KIDINS220: variants seen among roughly 807,000 people sequenced by gnomAD.
KIDINS220 encodes the protein kinase D-interacting substrate of 220 kDa.
Under a neutral mutation model 157.6 loss-of-function variants are expected in KIDINS220, and 63 were observed. The ratio of observed to expected loss-of-function variants is 0.40; its 90% CI spans 0.33 to 0.49. KIDINS220 has a LOEUF of 0.49. Ranked by LOEUF, KIDINS220 falls within the 20% of genes least tolerant of loss-of-function variation. The pLI is 0.66. For synonymous variants in KIDINS220, 732 were observed against 783.6 expected, an observed-to-expected ratio of 0.93 and a Z score of 1.10; for missense variants, 1,772 against 2,171.2, an observed-to-expected ratio of 0.82 and a Z score of 3.65.
chr2:8,810,435 T>C (rs944989938), intron 6 of KIDINS220, among the ~76,000 whole-genome samples: 1 of 152,170 alleles, frequency 6.6e-6, no homozygotes, highest in African/African-American at 2.4e-5. Context: ...CCAAGCTATA[T>C]GGAAACATTT....
intron 22 of KIDINS220, among the ~76,000 whole-genome samples, chr2:8,754,299 C>G (rs1429422217): frequency 2.6e-5 from 4 of 152,208 alleles, no homozygotes; most frequent in Non-Finnish European, 5.9e-5. Context: ...CTATTCTAAC[C>G]TTCTGAGCTC....
At position 8,778,932 on chromosome 2, in the gene KIDINS220, C is replaced by T. The variant is rs1162377291; in HGVS notation, c.2578G>A (p.Ala860Thr). 5 of 1,614,148 alleles carry T rather than the reference C, an allele frequency of 3.1e-6. No individual in the cohort carries two copies. Among genetic ancestry groups the T allele is most frequent in the Non-Finnish European group, 4.2e-6 (5 of 1,180,008 alleles). Reference sequence around the variant, plus strand: ...GAGCATGGAACGTCTCCATTTGTTGCTGAAGTTACGAGAAATTTTCTTGCA... The same window carrying T: ...GAGCATGGAACGTCTCCATTTGTTGTTGAAGTTACGAGAAATTTTCTTGCA... ...SNARKFLVTSATNGDVPCSDT... is the reference protein window; with the variant it reads ...SNARKFLVTSTTNGDVPCSDT... The change falls in exon 19 of 30, where the codon GCA (alanine) becomes ACA (threonine). Residue 860 changes from alanine (A) to threonine (T), a missense_variant. Physicochemically the swap from Ala to Thr is moderately conservative, Grantham distance 58. Around this residue, in one of 3 missense-constraint regions of KIDINS220, gnomAD observed 725 missense variants for 1,017.1 expected, o/e 0.71. Transcript: ENST00000256707.
Position 8,793,691 on chromosome 2 carries a change from G to A in KIDINS220, c.1276+119C>T, listed in dbSNP as rs1385318563. ...TGGGGTCAAGCAATCCTCCCACCTCGGCCTCCTCAAGTGCTGGGATTACAG... is the reference window on the plus strand; with the variant it reads ...TGGGGTCAAGCAATCCTCCCACCTCAGCCTCCTCAAGTGCTGGGATTACAG... On this transcript the variant is annotated intron_variant, in intron 12 of 29. Transcript: ENST00000256707. 1.9e-5 allele frequency: 16 copies of A among 849,138 alleles called. No homozygotes were observed. In the Admixed American group the frequency reaches 2.2e-4, roughly 12 times the overall value. 52.6% of individuals were successfully genotyped at this position (849,138 alleles called of 1,614,324 possible). A position where few individuals can be genotyped will look rare whatever the true frequency, so the allele number is the denominator to read the frequency against.
Position 8,744,380 on chromosome 2 carries a change from AAAAAAAAAATATATATATATAAT to A in KIDINS220, c.3585+2742_3585+2764del, listed in dbSNP as rs1223813590. Among the ~76,000 whole-genome samples, 40 of 31,296 alleles carry A rather than the reference AAAAAAAAAATATATATATATAAT, an allele frequency of 1.3e-3. 2 individuals carry two copies. Among genetic ancestry groups the A allele is most frequent in the African/African-American group, 4.6e-3 (27 of 5,924 alleles). The allele number at this position is 31,296 out of a possible 152,430, so 20.5% of individuals were successfully genotyped here. On this transcript the variant is annotated intron_variant, in intron 26 of 29. Coordinates refer to ENST00000256707, the MANE Select transcript of KIDINS220 (RefSeq NM_020738.4). ...CCTCATGGCAAAAAAAAAAAAAAAA[AAAAAAAAAATATATATATATAAT>A]ATATATATATATATATATATATATA...
At chr2:8,781,880 G>A (rs13404432) in intron 17 of KIDINS220, among the ~76,000 whole-genome samples, 1 of 152,010 alleles carries the variant, frequency 6.6e-6, no homozygotes, top group South Asian at 2.1e-4. Flanking sequence ...CCAGCACTTT[G>A]GGAGGCCAAG....
In KIDINS220 at chr2:8,800,487, A is replaced by G. The variant is rs565567875; in HGVS notation, c.813T>C (p.Thr271=). Residue 271 remains threonine (T), a synonymous_variant, in exon 9 of 30, where the codon ACT becomes ACC. Coordinates refer to ENST00000256707, the MANE Select transcript of KIDINS220 (RefSeq NM_020738.4). The part of the protein sequence containing the change: ...YVNIPDRSGD[T]VLIGAVRGGH... The stretch of plus-strand genomic sequence containing the variant: ...CACCTCTGACAGCGCCAATCAACAC[A>G]GTATCCCCACTCTAAGAAGACAGAA... 2.8e-5 allele frequency: 45 copies of G among 1,608,688 alleles called. No homozygotes were observed. Among genetic ancestry groups the G allele is most frequent in the Non-Finnish European group, 3.7e-5 (44 of 1,177,792 alleles).
chr2:8,765,179 G>A (rs1669309328), intron 22 of KIDINS220, among the ~76,000 whole-genome samples: 1 of 152,210 alleles, frequency 6.6e-6, no homozygotes, highest in Non-Finnish European at 1.5e-5. Flanking sequence ...AACTCCAGCA[G>A]AAACCTGGTG....
chr2:8,728,505 T>TA (rs1294838540), downstream of KIDINS220, among the ~76,000 whole-genome samples: 1 of 152,242 alleles, frequency 6.6e-6, no homozygotes, highest in Non-Finnish European at 1.5e-5. Flanking sequence ...CACACACACA[T>TA]AGACGCACAG....
chr2:8,817,807 A>G, intron 3 of KIDINS220, 91 bp from the exon 4 acceptor site: 1 of 821,436 alleles, frequency 1.2e-6, no homozygotes, highest in Non-Finnish European at 1.9e-6. Context: ...ATACCAAATG[A>G]TCATACCAAG....
intron 21 of KIDINS220, among the ~76,000 whole-genome samples, chr2:8,775,562 C>T (rs923171899): frequency 1.3e-5 from 2 of 152,056 alleles, no homozygotes; most frequent in Admixed American, 1.3e-4. Context: ...ACTGGCCTGG[C>T]CACTGAATTT....
chr2:8,811,338 C>T (rs1558471248), intron 6 of KIDINS220, among the ~76,000 whole-genome samples: 1 of 149,216 alleles, frequency 6.7e-6, no homozygotes, highest in East Asian at 2.0e-4. Flanking sequence ...ATGAAACTTA[C>T]ACTCTAGTGG....
Position 8,747,926 on chromosome 2 carries a change from T to C in KIDINS220, c.3489A>G (p.Ser1163=). The C allele has an allele frequency of 6.2e-7, 1 of 1,606,714 alleles. No individual in the cohort carries two copies. Among genetic ancestry groups the C allele is most frequent in the African/African-American group, 1.3e-5 (1 of 74,532 alleles). Residue 1163 remains serine (S), a synonymous_variant, in exon 25 of 30, where the codon TCA becomes TCG. Transcript: ENST00000256707. ...GATCTCTGGGCAAACTCGTTTTTAC[T>C]GATGGACGTGAGATGAGATGTTGGG... is the stretch of plus-strand genomic sequence containing the variant. ...GGSQHLISRP[S]VKTSLPRDQN...
rs550351800 is a variant in KIDINS220, at chr2:8,796,717, G to C, written c.1098+54C>G. ...CCCCATTAAATCCACTCCATATAGA[G>C]GTCAGTCGACCAACAGCTTTCCATA... On this transcript the variant is annotated intron_variant, in intron 11 of 29. Transcript: ENST00000256707. 3.8e-6 allele frequency: 5 copies of C among 1,313,154 alleles called. No individual in the cohort carries two copies. In the East Asian group the frequency reaches 1.1e-4, roughly 30 times the overall value. 81.3% of individuals were successfully genotyped at this position (1,313,154 alleles called of 1,614,324 possible).
In KIDINS220 at chr2:8,784,488, G is replaced by T. The variant is rs1672123057; in HGVS notation, c.2229+1253C>A. Among the ~76,000 whole-genome samples, 3 of 152,026 alleles carry T rather than the reference G, an allele frequency of 2.0e-5. No individual in the cohort carries two copies. In the South Asian group the frequency reaches 6.2e-4, roughly 32 times the overall value. ...AGAATGAAAAGCAACCAAAAGAATGGAGCAAAATATTTGCAAAAAGCTTAT... is the reference window on the plus strand; with the variant it reads ...AGAATGAAAAGCAACCAAAAGAATGTAGCAAAATATTTGCAAAAAGCTTAT... On this transcript the variant is annotated intron_variant, in intron 17 of 29. Coordinates refer to ENST00000256707, the MANE Select transcript of KIDINS220 (RefSeq NM_020738.4).
rs1185225250 is a variant in KIDINS220, at chr2:8,832,945, T to C, written c.-37+4535A>G. On this transcript the variant is annotated intron_variant, in intron 1 of 29. Transcript: ENST00000256707. ...TAATTGTACATGTTTATGGGGTATG[T>C]GTAATATTTGGATTACATGCATAGG... Among the ~76,000 whole-genome samples the C allele has an allele frequency of 4.6e-5, 7 of 152,210 alleles. No individual in the cohort carries two copies. The East Asian group carries it at 9.6e-4, about 21-fold the overall frequency.
At chr2:8,800,527 C>T in intron 8 of KIDINS220, 29 bp from the exon 9 acceptor site, 1 of 1,467,688 alleles carries the variant, frequency 6.8e-7, no homozygotes, top group Non-Finnish European at 9.4e-7. Context: ...AAAACAAAAA[C>T]AAGGTAAATT....
chr2:8,733,522 T>C lies in KIDINS220; in HGVS notation c.3975A>G (p.Thr1325=), dbSNP rs377757996. ...HTELSSQTPY[T]LNFSFEELNT... is the part of the protein sequence containing the mutation. ...TCAGCTCTTCGAAGCTGAAGTTGAGTGTGTAGGGCGTCTGGCTGGAGAGCT... is the reference window on the plus strand; with the variant it reads ...TCAGCTCTTCGAAGCTGAAGTTGAGCGTGTAGGGCGTCTGGCTGGAGAGCT... The change falls in exon 29 of 30, where the codon ACA becomes ACG. Residue 1325 remains threonine (T), a synonymous_variant. Coordinates refer to ENST00000256707, the MANE Select transcript of KIDINS220 (RefSeq NM_020738.4). 6.8e-6 allele frequency: 11 copies of C among 1,613,938 alleles called. No individual in the cohort carries two copies. The highest frequency in any genetic ancestry group is 2.2e-5 in the East Asian group (1 of 44,888).
At chr2:8,734,616 A>G (rs1256275722) in intron 28 of KIDINS220, 39 bp downstream of exon 28, 1 of 1,352,620 alleles carries the variant, frequency 7.4e-7, no homozygotes, top group Non-Finnish European at 1.1e-6. Flanking sequence ...GTTATCATAA[A>G]ATAATGTTGT....
chr2:8,736,805 C>A, intron 27 of KIDINS220, 63 bp downstream of exon 27: 3 of 1,561,292 alleles, frequency 1.9e-6, no homozygotes, highest in Non-Finnish European at 1.7e-6. Context: ...TTTACACGAC[C>A]CACACAGTCC....
Sources: allele counts gnomAD v4.1 joint callset (sites outside exome capture counted in the v4.1 genomes callset), GRCh38; gene constraint gnomAD v4.1.1; regional missense constraint gnomAD v4.1.1; transcripts MANE v1.5; gene names NCBI Gene and HGNC (gene_info 2026-07-23, HGNC 2026-07-21).